ARID2: variants seen among roughly 807,000 people sequenced by gnomAD.
ARID2 encodes the protein AT-rich interactive domain-containing protein 2.
Under a neutral mutation model 184.6 loss-of-function variants are expected in ARID2, and 32 were observed. The observed-to-expected ratio is 0.17, with a 90% CI of 0.13 to 0.23. ARID2 has a LOEUF of 0.23. ARID2 is among the 10% of genes least tolerant of loss of function. The pLI is 1.00. For synonymous variants in ARID2, 836 were observed against 772.6 expected, an observed-to-expected ratio of 1.08 and a Z score of -1.36; for missense variants, 1,696 against 2,197.6, an observed-to-expected ratio of 0.77 and a Z score of 4.56.
chr12:45,872,085 A>AT (rs1233486260), intron 16 of ARID2, among the ~76,000 whole-genome samples: 2 of 150,152 alleles, frequency 1.3e-5, no homozygotes, highest in African/African-American at 4.9e-5. Context: ...GTTTTGTTAA[A>AT]TTTTTTTCTT....
chr12:45,740,604 T>C (rs1941233547), intron 3 of ARID2, among the ~76,000 whole-genome samples: 1 of 151,930 alleles, frequency 6.6e-6, no homozygotes, highest in East Asian at 1.9e-4. Context: ...AATGTAACAA[T>C]GGACAGTTAT....
Position 45,849,665 on chromosome 12 carries a change from C to T in ARID2, c.1801C>T (p.Arg601Trp), listed in dbSNP as rs1943505055. ...QAHIHVVGVK[R>W]RAIPLPIQMY... ...ACATATTCATGTGGTAGGAGTAAAACGGAGGGCTATACCACTTCCCATTCA... is the reference window on the plus strand; with the variant it reads ...ACATATTCATGTGGTAGGAGTAAAATGGAGGGCTATACCACTTCCCATTCA... The change falls in exon 14 of 21, where the codon CGG becomes TGG. Residue 601 changes from arginine to tryptophan, a missense_variant. Physicochemically the swap from Arg to Trp is moderately radical, Grantham distance 101. Transcript: ENST00000334344. The T allele has an allele frequency of 1.3e-5, 21 of 1,613,796 alleles. No individual in the cohort carries two copies. The highest frequency in any genetic ancestry group is 1.7e-5 in the Non-Finnish European group (20 of 1,179,780).
At chr12:45,893,826 C>A in intron 20 of ARID2, 105 bp downstream of exon 20, 1 of 1,052,986 alleles carries the variant, frequency 9.5e-7, no homozygotes, top group Non-Finnish European at 1.3e-6. Flanking sequence ...TTTTTCTCAT[C>A]AATTTTGCAA....
chr12:45,890,592 A>G (rs1227605347), intron 16 of ARID2, among the ~76,000 whole-genome samples: 1 of 152,218 alleles, frequency 6.6e-6, no homozygotes. Context: ...AAATGTATTT[A>G]CTGATTTTAG....
At chr12:45,760,114 A>C (rs1941646433) in intron 3 of ARID2, among the ~76,000 whole-genome samples, 1 of 152,280 alleles carries the variant, frequency 6.6e-6, no homozygotes, top group African/African-American at 2.4e-5. Flanking sequence ...TATAATCAGA[A>C]TTTTTTCTTT....
chr12:45,760,228 G>C (rs1301778252), intron 3 of ARID2, among the ~76,000 whole-genome samples: 1 of 152,068 alleles, frequency 6.6e-6, no homozygotes, highest in Non-Finnish European at 1.5e-5. Flanking sequence ...GTATTTCATT[G>C]ATTTGGGAAG....
intron 16 of ARID2, among the ~76,000 whole-genome samples, chr12:45,863,188 AG>A (rs1333397944): frequency 6.6e-6 from 1 of 152,230 alleles, no homozygotes; most frequent in Non-Finnish European, 1.5e-5. Context: ...AAGAATGAGT[AG>A]GAATTTTTCA....
chr12:45,902,246 A>G (rs1405790278), intron 20 of ARID2, among the ~76,000 whole-genome samples: 1 of 152,206 alleles, frequency 6.6e-6, no homozygotes, highest in Non-Finnish European at 1.5e-5. Flanking sequence ...TTTTATATCA[A>G]AACAAAGTGA....
At chr12:45,890,602 G>A (rs1190007021) in intron 16 of ARID2, among the ~76,000 whole-genome samples, 1 of 152,062 alleles carries the variant, frequency 6.6e-6, no homozygotes, top group East Asian at 1.9e-4. Flanking sequence ...ACTGATTTTA[G>A]CCTCACAATA....
At position 45,814,263 on chromosome 12, in the gene ARID2, C is replaced by G. The variant is rs142118837; in HGVS notation, c.418+2712C>G. Among the ~76,000 whole-genome samples the G allele has an allele frequency of 5.8e-3, 876 of 152,260 alleles. 7 individuals carry two copies. Among genetic ancestry groups the G allele is most frequent in the African/African-American group, 0.02 (837 of 41,550 alleles). Reference sequence around the variant, plus strand: ...CATAAACAGCACTCCAGGAACAACTCTCCCTTTCTTCTAAATTGAAAACAA... The same window carrying G: ...CATAAACAGCACTCCAGGAACAACTGTCCCTTTCTTCTAAATTGAAAACAA... On this transcript the variant is annotated intron_variant, in intron 4 of 20. Coordinates refer to ENST00000334344, the MANE Select transcript of ARID2 (RefSeq NM_152641.4).
chr12:45,747,232 A>T (rs1941377362), intron 3 of ARID2, among the ~76,000 whole-genome samples: 1 of 152,226 alleles, frequency 6.6e-6, no homozygotes, highest in Non-Finnish European at 1.5e-5. Context: ...ATTTTTATTT[A>T]AAAAATTCTT....
chr12:45,836,522 T>C, intron 6 of ARID2, 67 bp from the exon 7 acceptor site: 1 of 1,437,116 alleles, frequency 7.0e-7, no homozygotes. Flanking sequence ...AGCCTGTGTG[T>C]GACTATTTCT....
chr12:45,889,728 A>G (rs993440272), intron 16 of ARID2, among the ~76,000 whole-genome samples: 1 of 152,260 alleles, frequency 6.6e-6, no homozygotes, highest in Admixed American at 6.5e-5. Context: ...TCACAAGGTC[A>G]GGAGTTCGAG....
At position 45,795,331 on chromosome 12, in the gene ARID2, G is replaced by A. The variant is rs548055420; in HGVS notation, c.285-16087G>A. On this transcript the variant is annotated intron_variant, in intron 3 of 20. Coordinates refer to ENST00000334344, the MANE Select transcript of ARID2 (RefSeq NM_152641.4). Reference sequence around the variant, plus strand: ...GCTACTTTCTGGCTGATGATACTACGCCACAGGAGCCTCTGGATATTTTAT... The same window carrying A: ...GCTACTTTCTGGCTGATGATACTACACCACAGGAGCCTCTGGATATTTTAT... 2.4e-3 allele frequency among the ~76,000 whole-genome samples: 369 copies of A among 152,188 alleles called. 1 individual carries two copies. Among genetic ancestry groups the A allele is most frequent in the Middle Eastern group, 3.4e-3 (1 of 294 alleles).
chr12:45,843,439 C>T (rs980561091), intron 11 of ARID2, among the ~76,000 whole-genome samples: 1 of 150,602 alleles, frequency 6.6e-6, no homozygotes, highest in African/African-American at 2.4e-5. Context: ...TATCTCAGCT[C>T]ACTGCAACTT....
intron 3 of ARID2, among the ~76,000 whole-genome samples, chr12:45,733,574 A>G (rs1228275988): frequency 6.6e-6 from 1 of 152,170 alleles, no homozygotes; most frequent in Non-Finnish European, 1.5e-5. Context: ...CTATTGTAAG[A>G]CTGTCATTAT....
chr12:45,770,793 G>C lies in ARID2; in HGVS notation c.284+39479G>C, dbSNP rs181849134. Among the ~76,000 whole-genome samples the C allele has an allele frequency of 1.0e-3, 152 of 152,274 alleles. 2 individuals are homozygous for C. The highest frequency in any genetic ancestry group is 1.7e-3 in the South Asian group (8 of 4,818). ...TAGAAAACCAATTAGGAAAGAGTAG[G>C]TGTATGTAAAATAGTTGAAGGGTAG... On this transcript the variant is annotated intron_variant, in intron 3 of 20. Coordinates refer to ENST00000334344, the MANE Select transcript of ARID2 (RefSeq NM_152641.4).
rs2138169475 is a variant in ARID2 at position 45,851,260 on chromosome 12, A to G, written c.3137A>G (p.Asn1046Ser). The G allele has an allele frequency of 1.2e-6, 2 of 1,614,196 alleles. No individual in the cohort carries two copies. Among genetic ancestry groups the G allele is most frequent in the South Asian group, 1.1e-5 (1 of 91,078 alleles). ...ATGCAAGTTCAACCTCAACAGTCGA[A>G]TGCAGGAGTTGGTCAGCCTGCCTCT... ...VQMQVQPQQS[N>S]AGVGQPASGE... Residue 1046 changes from asparagine (N) to serine (S), a missense_variant, in exon 15 of 21, where the codon AAT becomes AGT. Asn to Ser is a conservative substitution (Grantham distance 46). Around this residue, in one of 11 missense-constraint regions of ARID2, gnomAD observed 713 missense variants for 824.4 expected, o/e 0.86. Transcript: ENST00000334344.
In ARID2 at chr12:45,901,089, TTTTTC is replaced by T. The variant is rs373947352; in HGVS notation, c.5364-3838_5364-3834del. On this transcript the variant is annotated intron_variant, in intron 20 of 20. Transcript: ENST00000334344. ...AATGGGAACTTTTCTGGTATGTTTC[TTTTTC>T]TTTTCTCTTTTAGCTTTCTGTTTTC... Among the ~76,000 whole-genome samples the T allele has an allele frequency of 2.1e-3, 316 of 151,712 alleles. 12 individuals are homozygous for T. The South Asian group carries it at 0.063, about 30-fold the overall frequency.
Sources: gnomAD v4.1 joint callset for allele counts (sites outside exome capture counted in the v4.1 genomes callset) on GRCh38, gnomAD v4.1.1 for gene constraint, gnomAD v4.1.1 regional missense constraint, MANE v1.5 for transcripts, NCBI Gene and HGNC (gene_info 2026-07-23, HGNC 2026-07-21) for gene names.